The following GRM4 variants were observed in gnomAD, a reference collection of about 807,000 sequenced individuals.
GRM4 encodes the protein metabotropic glutamate receptor 4.
Under a neutral mutation model 81.7 loss-of-function variants are expected in GRM4, and 28 were observed. The ratio of observed to expected loss-of-function variants is 0.34; its 90% CI spans 0.25 to 0.47. The LOEUF is 0.47. Ranked by LOEUF, GRM4 falls within the 20% of genes least tolerant of loss-of-function variation. GRM4 has a pLI of 1.00. For synonymous variants in GRM4, 488 were observed against 528.8 expected, an observed-to-expected ratio of 0.92 and a Z score of 1.06; for missense variants, 948 against 1,290.0, an observed-to-expected ratio of 0.73 and a Z score of 4.06.
intron 6 of GRM4, among the ~76,000 whole-genome samples, chr6:34,045,143 G>A (rs185141732): frequency 2.7e-4 from 41 of 152,328 alleles, no homozygotes; most frequent in African/African-American, 9.4e-4. Flanking sequence ...GCGGGGTAGC[G>A]GGGCATGTAG....
At chr6:34,105,417 G>A (rs1769070473) in intron 2 of GRM4, among the ~76,000 whole-genome samples, 1 of 152,154 alleles carries the variant, frequency 6.6e-6, no homozygotes, top group Non-Finnish European at 1.5e-5. Context: ...TCTCCCCGAT[G>A]CCAGTCCTCA....
At chr6:34,094,363 A>C (rs1158797778) in intron 2 of GRM4, among the ~76,000 whole-genome samples, 1 of 152,180 alleles carries the variant, frequency 6.6e-6, no homozygotes, top group Non-Finnish European at 1.5e-5. Flanking sequence ...CTATACTGGA[A>C]TCTATGTGTC....
intron 1 of GRM4, among the ~76,000 whole-genome samples, chr6:34,144,547 G>A (rs113525200): frequency 1.2e-4 from 18 of 152,218 alleles, no homozygotes; most frequent in Admixed American, 1.3e-4. Context: ...CCGAGGCCAC[G>A]GGCAAGCGGT....
intron 3 of GRM4, among the ~76,000 whole-genome samples, chr6:34,083,210 TG>T (rs1488328704): frequency 6.6e-6 from 1 of 152,090 alleles, no homozygotes; most frequent in African/African-American, 2.4e-5. Context: ...CCAGGAAAAG[TG>T]GCCGCACTGA....
intron 3 of GRM4, among the ~76,000 whole-genome samples, chr6:34,083,325 C>T (rs1047578543): frequency 3.9e-5 from 6 of 152,214 alleles, no homozygotes; most frequent in Non-Finnish European, 8.8e-5. Context: ...AGCCGACAGG[C>T]GCAGTCCCGG....
chr6:34,134,494 C>G (rs2127512360), intron 1 of GRM4, among the ~76,000 whole-genome samples: 1 of 152,238 alleles, frequency 6.6e-6, no homozygotes, highest in Non-Finnish European at 1.5e-5. Context: ...AAGGGAAGGC[C>G]AGGGAGGAGC....
At chr6:34,075,432 C>A (rs368544500) in intron 3 of GRM4, among the ~76,000 whole-genome samples, 1 of 152,202 alleles carries the variant, frequency 6.6e-6, no homozygotes, top group East Asian at 1.9e-4. Flanking sequence ...GCCCTTCTCA[C>A]GTCTCTATCT....
intron 1 of GRM4, among the ~76,000 whole-genome samples, chr6:34,142,524 T>C (rs1770733681): frequency 6.6e-6 from 1 of 152,146 alleles, no homozygotes; most frequent in South Asian, 2.1e-4. Context: ...TCTGCTCCCA[T>C]CTTTTGCTGC....
At chr6:34,024,515 A>G in intron 10 of GRM4, 2 of 373,466 alleles carry the variant, frequency 5.4e-6, no homozygotes, top group Admixed American at 6.4e-5. Flanking sequence ...TGTAACTGGA[A>G]GCCCACTAAC....
At chr6:34,027,803 C>T (rs1764207180) in intron 10 of GRM4, among the ~76,000 whole-genome samples, 1 of 152,226 alleles carries the variant, frequency 6.6e-6, no homozygotes, top group African/African-American at 2.4e-5. Context: ...GCCCAGGCGC[C>T]CCCTGGTGGC....
At chr6:34,140,952 G>A (rs376038053) in intron 1 of GRM4, among the ~76,000 whole-genome samples, 4 of 152,316 alleles carry the variant, frequency 2.6e-5, no homozygotes, top group South Asian at 2.1e-4. Flanking sequence ...CGGCTGCACC[G>A]AGGTCAGGCA....
chr6:34,109,223 G>A (rs563318361), intron 2 of GRM4, among the ~76,000 whole-genome samples: 3 of 152,314 alleles, frequency 2.0e-5, no homozygotes, highest in Admixed American at 6.5e-5. Flanking sequence ...GGAGATGCCC[G>A]CTGGCTCCCC....
At position 34,110,829 on chromosome 6, in the gene GRM4, C is replaced by T. The variant is rs117647553; in HGVS notation, c.520-18730G>A. The T allele has an allele frequency of 7.1e-3, 9,759 of 1,369,654 alleles. 60 individuals carry two copies. Among genetic ancestry groups the T allele is most frequent in the Middle Eastern group, 0.02 (102 of 5,072 alleles). 84.8% of individuals were successfully genotyped at this position (1,369,654 alleles called of 1,614,324 possible). On this transcript the variant is annotated intron_variant, in intron 2 of 10. Transcript: ENST00000538487. ...CCATCTGTCTTGCCTGGCAGCTCTC[C>T]TCTGCCCAGCCTTCCTCCAGCTCAG... is the stretch of plus-strand genomic sequence containing the variant.
Position 34,059,520 on chromosome 6 carries a change from C to A in GRM4, c.873-392G>T, listed in dbSNP as rs1011346094. The A allele has an allele frequency of 3.1e-5, 8 of 259,122 alleles. No homozygotes were observed. The South Asian group carries it at 3.8e-4, about 12-fold the overall frequency. The allele number at this position is 259,122 out of a possible 1,614,324, so 16.1% of individuals were successfully genotyped here. On this transcript the variant is annotated intron_variant, in intron 4 of 10. Transcript: ENST00000538487. This position sits in a 1 kb window ranked among gnomAD's most constrained non-coding sequence, Gnocchi z 5.7. ...GAGACGCATGCCTTCCTGGCTCATC[C>A]ACCCCCACATTCCTTGCCCATTCTC... is the stretch of plus-strand genomic sequence containing the variant.
chr6:34,087,699 ACCCC>A (rs112740380), intron 3 of GRM4, among the ~76,000 whole-genome samples: 1 of 86,160 alleles, frequency 1.2e-5, no homozygotes, highest in African/African-American at 3.5e-5. Flanking sequence ...CACACACACA[ACCCC>A]CCCCCCACAC....
rs1369203602 is a variant in GRM4 at position 34,090,829 on chromosome 6, C to T, written c.736+1054G>A. Among the ~76,000 whole-genome samples, 1 of 152,154 alleles carries T rather than the reference C, an allele frequency of 6.6e-6. No individual in the cohort carries two copies. Among genetic ancestry groups the T allele is most frequent in the Non-Finnish European group, 1.5e-5 (1 of 68,010 alleles). On this transcript the variant is annotated intron_variant, in intron 3 of 10. Transcript: ENST00000538487. The surrounding 1 kb of genome is among the most constrained non-coding windows in gnomAD (Gnocchi z 5.2). Reference sequence around the variant, plus strand: ...GGCCATGAGGGTATAAATATACAGACGCCATCACCCAAGGTCTCGGGCACT... The same window carrying T: ...GGCCATGAGGGTATAAATATACAGATGCCATCACCCAAGGTCTCGGGCACT...
rs2499723 is a variant in GRM4 at position 34,118,539 on chromosome 6, G to A, written c.519+14439C>T. Among the ~76,000 whole-genome samples, 1,014 of 152,314 alleles carry A rather than the reference G, an allele frequency of 6.7e-3. 12 individuals are homozygous for A. Among genetic ancestry groups the A allele is most frequent in the African/African-American group, 0.021 (873 of 41,556 alleles). Reference sequence around the variant, plus strand: ...TCCTCATCTGTAAAAAAGCCGTCCTGACCGCGTTGTAGGACTCTTGTGTGG... The same window carrying A: ...TCCTCATCTGTAAAAAAGCCGTCCTAACCGCGTTGTAGGACTCTTGTGTGG... On this transcript the variant is annotated intron_variant, in intron 2 of 10. Transcript: ENST00000538487.
chr6:34,044,119 G>C (rs913434670), intron 6 of GRM4, among the ~76,000 whole-genome samples: 16 of 139,586 alleles, frequency 1.1e-4, no homozygotes, highest in East Asian at 8.7e-4. Context: ...TATATACACA[G>C]ACACACACAC....
intron 2 of GRM4, among the ~76,000 whole-genome samples, chr6:34,109,737 T>C (rs1267850206): frequency 6.6e-6 from 1 of 152,112 alleles, no homozygotes; most frequent in East Asian, 1.9e-4. Flanking sequence ...GCCTGCCTCC[T>C]GCAACAGGCA....
Sources: allele counts gnomAD v4.1 joint callset (sites outside exome capture counted in the v4.1 genomes callset), GRCh38; gene constraint gnomAD v4.1.1; non-coding constraint Gnocchi (gnomAD v3.1); transcripts MANE v1.5; gene names NCBI Gene and HGNC (gene_info 2026-07-23, HGNC 2026-07-21).